The following NIPAL2 variants were observed in gnomAD, a reference collection of about 807,000 sequenced individuals.
NIPAL2 encodes NIPA like domain containing 2.
Under a neutral mutation model 48.9 loss-of-function variants are expected in NIPAL2, and 43 were observed. The observed-to-expected ratio is 0.88, with a 90% CI of 0.69 to 1.13. The LOEUF (loss-of-function observed/expected upper bound fraction) is 1.13. NIPAL2 is among the 50% of genes most tolerant of loss of function. NIPAL2 has a pLI of 0.00. For missense variants in NIPAL2, 446 were observed against 461.4 expected, an observed-to-expected ratio of 0.97 and a Z score of 0.31; for synonymous variants, 167 against 174.6, an observed-to-expected ratio of 0.96 and a Z score of 0.34.
At chr8:98,241,781 G>C (rs2514329) in intron 3 of NIPAL2, among the ~76,000 whole-genome samples, 133,693 of 152,208 alleles carry the variant, frequency 0.88, 59,023 homozygotes, top group Non-Finnish European at 0.9. Context: ...TACACAATAA[G>C]GGTGGCTGAA....
At chr8:98,273,705 A>G (rs974077364) in intron 1 of NIPAL2, among the ~76,000 whole-genome samples, 1 of 151,970 alleles carries the variant, frequency 6.6e-6, no homozygotes, top group African/African-American at 2.4e-5. Flanking sequence ...TTTCTTCCTT[A>G]GATTTTTATT....
At chr8:98,274,430 T>G (rs1013901995) in intron 1 of NIPAL2, among the ~76,000 whole-genome samples, 2 of 152,014 alleles carry the variant, frequency 1.3e-5, no homozygotes, top group African/African-American at 4.8e-5. Flanking sequence ...TTTAGACTTT[T>G]TTTCCTTTTA....
chr8:98,197,496 C>T (rs1016180182), intron 8 of NIPAL2, among the ~76,000 whole-genome samples: 1 of 152,098 alleles, frequency 6.6e-6, no homozygotes, highest in Non-Finnish European at 1.5e-5. Flanking sequence ...TGAAGTTTGC[C>T]ACATCGATTA....
At chr8:98,212,017 TAG>T (rs1563491197) in intron 6 of NIPAL2, among the ~76,000 whole-genome samples, 1 of 152,184 alleles carries the variant, frequency 6.6e-6, no homozygotes, top group East Asian at 1.9e-4. Context: ...AGTCATATTA[TAG>T]AGTTTTTAAA....
intron 4 of NIPAL2, among the ~76,000 whole-genome samples, chr8:98,228,018 G>A (rs1199781147): frequency 1.3e-5 from 2 of 152,250 alleles, no homozygotes; most frequent in African/African-American, 4.8e-5. Flanking sequence ...AGTGTTGGCA[G>A]CATTGAGTTC....
intron 1 of NIPAL2, among the ~76,000 whole-genome samples, chr8:98,282,382 T>A (rs79816599): frequency 0.036 from 5,462 of 152,150 alleles, 193 homozygotes; most frequent in African/African-American, 0.09. Context: ...TTTGGAAGAC[T>A]CATCCTAGCT....
chr8:98,254,617 C>T (rs774404201), intron 1 of NIPAL2, among the ~76,000 whole-genome samples: 1 of 152,170 alleles, frequency 6.6e-6, no homozygotes, highest in Non-Finnish European at 1.5e-5. Context: ...GTTCTATGAT[C>T]TCCACTGGAG....
chr8:98,228,603 A>G (rs904097237), intron 4 of NIPAL2, among the ~76,000 whole-genome samples: 1 of 152,200 alleles, frequency 6.6e-6, no homozygotes, highest in African/African-American at 2.4e-5. Context: ...TAAGGAACTG[A>G]ATACGCTTCA....
chr8:98,249,454 T>C (rs1813454156), intron 3 of NIPAL2, among the ~76,000 whole-genome samples: 1 of 151,930 alleles, frequency 6.6e-6, no homozygotes, highest in African/African-American at 2.4e-5. Context: ...AAATGAGTCC[T>C]ATATATGACT....
At chr8:98,290,399 A>G (rs1816429468) in intron 1 of NIPAL2, among the ~76,000 whole-genome samples, 1 of 152,352 alleles carries the variant, frequency 6.6e-6, no homozygotes, top group South Asian at 2.1e-4. Flanking sequence ...GAATTTAGAC[A>G]TTTAACAATA....
chr8:98,227,381 ATC>A (rs1027352927), intron 4 of NIPAL2, among the ~76,000 whole-genome samples: 59 of 152,188 alleles, frequency 3.9e-4, no homozygotes, highest in African/African-American at 1.4e-3. Context: ...AAGCTAATAC[ATC>A]TCTGAGTCTC....
intron 4 of NIPAL2, among the ~76,000 whole-genome samples, chr8:98,224,759 T>TC (rs200682036): frequency 6.5e-5 from 9 of 137,680 alleles, no homozygotes; most frequent in African/African-American, 2.5e-4. Flanking sequence ...TCTTTTCTTT[T>TC]TTTTTTTTTT....
intron 4 of NIPAL2, among the ~76,000 whole-genome samples, chr8:98,225,003 C>T (rs992704846): frequency 5.3e-5 from 8 of 152,014 alleles, no homozygotes; most frequent in Non-Finnish European, 8.8e-5. Context: ...GTGATCTGCC[C>T]GCCTCTGCCA....
At chr8:98,217,771 A>G (rs890602887) in intron 5 of NIPAL2, among the ~76,000 whole-genome samples, 3 of 152,218 alleles carry the variant, frequency 2.0e-5, no homozygotes, top group Admixed American at 6.5e-5. Flanking sequence ...ATTTTATGCT[A>G]TGTTATAAAT....
intron 1 of NIPAL2, among the ~76,000 whole-genome samples, chr8:98,282,643 G>T (rs557923295): frequency 2.6e-5 from 4 of 152,250 alleles, no homozygotes; most frequent in South Asian, 4.1e-4. Context: ...ACTGCATCCA[G>T]CCTGGGCAAC....
At chr8:98,280,396 C>T (rs1181505569) in intron 1 of NIPAL2, among the ~76,000 whole-genome samples, 2 of 152,134 alleles carry the variant, frequency 1.3e-5, no homozygotes, top group African/African-American at 4.8e-5. Context: ...GGCAATAAAA[C>T]ATGCATGAAC....
At chr8:98,244,345 AGGGTGGGCGTGGTGATGAGGGG>A (rs1563517744) in intron 3 of NIPAL2, among the ~76,000 whole-genome samples, 33 of 19,724 alleles carry the variant, frequency 1.7e-3, no homozygotes, top group African/African-American at 2.8e-3. Context: ...TAATGATGAG[AGGGTGGGCGTGGTGATGAGGGG>A]TAGTCTGTAA....
intron 1 of NIPAL2, among the ~76,000 whole-genome samples, chr8:98,283,710 A>C (rs1815991933): frequency 1.3e-5 from 2 of 152,266 alleles, no homozygotes; most frequent in African/African-American, 4.8e-5. Flanking sequence ...GCTCTACCCC[A>C]CACCTGCCTG....
At chr8:98,201,396 T>C (rs1352510664) in intron 8 of NIPAL2, among the ~76,000 whole-genome samples, 2 of 152,152 alleles carry the variant, frequency 1.3e-5, no homozygotes, top group East Asian at 3.8e-4. Context: ...TAACTTTTAT[T>C]TTTTTAGAGA....
Sources: allele counts gnomAD v4.1 joint callset (sites outside exome capture counted in the v4.1 genomes callset), GRCh38; gene constraint gnomAD v4.1.1; transcripts MANE v1.5; gene names NCBI Gene and HGNC (gene_info 2026-07-23, HGNC 2026-07-21).